NT5C1A: variants seen among roughly 807,000 people sequenced by gnomAD.
NT5C1A encodes cytosolic 5'-nucleotidase 1A.
In NT5C1A, 18 loss-of-function variants were observed where a neutral mutation model predicts 31.0. That is an observed-to-expected ratio of 0.58 (90% confidence interval 0.40 to 0.86). The LOEUF (loss-of-function observed/expected upper bound fraction) is 0.86, where lower values mean the gene tolerates loss of function less well. Among genes scored for constraint, NT5C1A ranks in the 40% least tolerant of loss-of-function variants. The pLI is 0.00. For synonymous variants in NT5C1A, 185 were observed against 203.6 expected (o/e 0.91, Z 0.78); for missense variants, 470 against 505.4 (o/e 0.93, Z 0.67).
chr1:39,664,442 G>A (rs1242732032), intron 3 of NT5C1A, among the ~76,000 whole-genome samples: 2 of 134,616 alleles, frequency 1.5e-5, no homozygotes, highest in Admixed American at 1.5e-4. Context: ...CACCGTGCCT[G>A]GCCAGGTGTA....
Position 39,656,597 on chromosome 1 carries a change from G to A in NT5C1A, c.*2524C>T, listed in dbSNP as rs917896564. ...TATTTTCCTGCTTCCTGAGAGACAT[G>A]GAATCATCAGTGGTGTTCATCACCA... On this transcript the variant is annotated 3_prime_UTR_variant, in exon 6 of 6. Coordinates refer to ENST00000235628, the MANE Select transcript of NT5C1A (RefSeq NM_032526.3). Among the ~76,000 whole-genome samples, 4 of 152,236 alleles carry A rather than the reference G, an allele frequency of 2.6e-5. No homozygotes were observed. The highest frequency in any genetic ancestry group is 9.6e-5 in the African/African-American group (4 of 41,462).
In NT5C1A at chr1:39,653,690, C is replaced by T. The variant is rs1301476234; in HGVS notation, c.*5431G>A. Among the ~76,000 whole-genome samples, 6 of 152,164 alleles carry T rather than the reference C, an allele frequency of 3.9e-5. No homozygotes were observed. Among genetic ancestry groups the T allele is most frequent in the Non-Finnish European group, 8.8e-5 (6 of 68,026 alleles). ...ATCACTTGACTACTGCCAGCAGCTGCGTGCCGGCCTGCAGTGCCACCTACT... is the reference window on the plus strand; with the variant it reads ...ATCACTTGACTACTGCCAGCAGCTGTGTGCCGGCCTGCAGTGCCACCTACT... On this transcript the variant is annotated 3_prime_UTR_variant, in exon 6 of 6. Coordinates refer to ENST00000235628, the MANE Select transcript of NT5C1A (RefSeq NM_032526.3).
rs959325784 is a variant in NT5C1A, at chr1:39,663,418, C to T, written c.450G>A (p.Arg150=). Residue 150 remains arginine (R), a synonymous_variant, in exon 4 of 6, where the codon AGG becomes AGA. Transcript: ENST00000235628. ...SINHYDLFIE[R]FCMTGGNSPI... is the part of the protein sequence containing the mutation. The stretch of plus-strand genomic sequence containing the variant: ...GGCTGTTCCCACCTGTCATGCAGAA[C>T]CTCTCGATGAACAGGTCTGGGAAGG... 1.2e-6 allele frequency: 2 copies of T among 1,613,978 alleles called. No homozygotes were observed. The highest frequency in any genetic ancestry group is 1.1e-5 in the South Asian group (1 of 91,082).
chr1:39,652,610 G>A lies in NT5C1A; in HGVS notation c.*6511C>T, dbSNP rs1469381987. On this transcript the variant is annotated 3_prime_UTR_variant, in exon 6 of 6. Coordinates refer to ENST00000235628, the MANE Select transcript of NT5C1A (RefSeq NM_032526.3). Reference sequence around the variant, plus strand: ...GCCTTGAGGCCTTTACCCTAATTCCGTGGCAGATGGCCATGAAGGCATATA... The same window carrying A: ...GCCTTGAGGCCTTTACCCTAATTCCATGGCAGATGGCCATGAAGGCATATA... 3.9e-5 allele frequency among the ~76,000 whole-genome samples: 6 copies of A among 152,088 alleles called. No individual in the cohort carries two copies. The South Asian group carries it at 1.0e-3, about 26-fold the overall frequency.
At chr1:39,664,007 T>C (rs1486966863) in intron 3 of NT5C1A, among the ~76,000 whole-genome samples, 1 of 152,172 alleles carries the variant, frequency 6.6e-6, no homozygotes, top group Non-Finnish European at 1.5e-5. Context: ...ACGCAGTGTG[T>C]ATGTCACACA....
At position 39,654,384 on chromosome 1, in the gene NT5C1A, CA is replaced by C. The variant is rs1262270069; in HGVS notation, c.*4736del. 1.3e-5 allele frequency among the ~76,000 whole-genome samples: 2 copies of C among 152,192 alleles called. No homozygotes were observed. The highest frequency in any genetic ancestry group is 2.9e-5 in the Non-Finnish European group (2 of 68,040). On this transcript the variant is annotated 3_prime_UTR_variant, in exon 6 of 6. Coordinates refer to ENST00000235628, the MANE Select transcript of NT5C1A (RefSeq NM_032526.3). ...CTTGTTGGCTCGGAGCTGCTGAAAT[CA>C]ACACTGGGCACTTCAATCTATCCAA...
intron 5 of NT5C1A, among the ~76,000 whole-genome samples, 156 bp downstream of exon 5, chr1:39,660,923 T>TG (rs1440009111): frequency 1.3e-5 from 2 of 151,652 alleles, no homozygotes; most frequent in African/African-American, 2.4e-5. Flanking sequence ...AGCTCATTGA[T>TG]GGGGGGTCAG....
intron 1 of NT5C1A, among the ~76,000 whole-genome samples, chr1:39,667,738 G>A (rs901523598): frequency 2.6e-5 from 4 of 152,188 alleles, no homozygotes; most frequent in African/African-American, 7.2e-5. Context: ...CAAGACAGAG[G>A]CCAATGCCAT....
chr1:39,662,950 C>A (rs1458796243), intron 4 of NT5C1A, among the ~76,000 whole-genome samples: 5 of 152,210 alleles, frequency 3.3e-5, no homozygotes, highest in Non-Finnish European at 5.9e-5. Flanking sequence ...TGGCCCAGGG[C>A]AGGGCAGAGG....
chr1:39,660,027 G>T (rs772267335), intron 5 of NT5C1A, among the ~76,000 whole-genome samples: 46 of 152,134 alleles, frequency 3.0e-4, no homozygotes, highest in Non-Finnish European at 5.1e-4. Flanking sequence ...AGCTTCCTGA[G>T]GATGTGAGAA....
chr1:39,666,375 A>ATGGCGT, intron 1 of NT5C1A, 139 bp from the exon 2 acceptor site: 1 of 785,276 alleles, frequency 1.3e-6, no homozygotes, highest in Admixed American at 2.7e-5. Flanking sequence ...AGCCTTGAGC[A>ATGGCGT]GATGTGGACT....
intron 1 of NT5C1A, among the ~76,000 whole-genome samples, chr1:39,670,077 GTTTA>G (rs1646542670): frequency 6.6e-6 from 1 of 152,110 alleles, no homozygotes; most frequent in South Asian, 2.1e-4. Flanking sequence ...TATAATTGGT[GTTTA>G]TTTATTTTAC....
In NT5C1A at chr1:39,655,933, A is replaced by G. The variant is rs1646456947; in HGVS notation, c.*3188T>C. 6.6e-6 allele frequency among the ~76,000 whole-genome samples: 1 copy of G among 152,164 alleles called. No homozygotes were observed. Among genetic ancestry groups the G allele is most frequent in the South Asian group, 2.1e-4 (1 of 4,824 alleles). ...CCAATTGAGTGTCATTATAATGCCA[A>G]ATCCATCTTGGCTTTGAACTTCTTG... is the stretch of plus-strand genomic sequence containing the variant. On this transcript the variant is annotated 3_prime_UTR_variant, in exon 6 of 6. Transcript: ENST00000235628.
chr1:39,660,324 T>A (rs1257712870), intron 5 of NT5C1A, among the ~76,000 whole-genome samples: 1 of 152,126 alleles, frequency 6.6e-6, no homozygotes, highest in African/African-American at 2.4e-5. Context: ...GCTCCCGGGT[T>A]TTTGTTAAAA....
At chr1:39,662,894 C>T (rs540597724) in intron 4 of NT5C1A, among the ~76,000 whole-genome samples, 1 of 152,312 alleles carries the variant, frequency 6.6e-6, no homozygotes, top group Non-Finnish European at 1.5e-5. Flanking sequence ...CCAGACCCCA[C>T]CACTCAGGCT....
At position 39,661,136 on chromosome 1, in the gene NT5C1A, G is replaced by C. The variant is rs140258838; in HGVS notation, c.684C>G (p.His228Gln). ...SDESERIVKA[H>Q]GLDRFFEHEK... ...CATGCTCGAAGAATCGGTCCAGCCC[G>C]TGGGCCTTGACGATGCGCTCCGACT... The change falls in exon 5 of 6, where the codon CAC becomes CAG. Residue 228 changes from histidine to glutamine, a missense_variant. Coordinates refer to ENST00000235628, the MANE Select transcript of NT5C1A (RefSeq NM_032526.3). The C allele has an allele frequency of 1.2e-5, 19 of 1,596,640 alleles. No homozygotes were observed. The highest frequency in any genetic ancestry group is 1.7e-4 in the Middle Eastern group (1 of 6,022).
In NT5C1A at chr1:39,652,083, G is replaced by A. The variant is rs949324764; in HGVS notation, c.*7038C>T. Among the ~76,000 whole-genome samples, 7 of 121,168 alleles carry A rather than the reference G, an allele frequency of 5.8e-5. No homozygotes were observed. The highest frequency in any genetic ancestry group is 5.6e-4 in the East Asian group (2 of 3,576). The allele number at this position is 121,168 out of a possible 152,430, so 79.5% of individuals were successfully genotyped here. A position where few individuals can be genotyped will look rare whatever the true frequency, so the allele number is the denominator to read the frequency against. On this transcript the variant is annotated 3_prime_UTR_variant, in exon 6 of 6. Coordinates refer to ENST00000235628, the MANE Select transcript of NT5C1A (RefSeq NM_032526.3). The stretch of plus-strand genomic sequence containing the variant: ...AAAAAAAAAAGAAGTTTGTACATAC[G>A]CAGTTTTGAACACACAAAGGCTGAG...
chr1:39,656,078 C>T lies in NT5C1A; in HGVS notation c.*3043G>A, dbSNP rs1028685737. Among the ~76,000 whole-genome samples the T allele has an allele frequency of 3.3e-5, 5 of 151,696 alleles. No individual in the cohort carries two copies. Among genetic ancestry groups the T allele is most frequent in the Non-Finnish European group, 7.4e-5 (5 of 67,930 alleles). ...GCAGTCTCAGTGCTTAGTAACAGGG[C>T]TTCCATTTTTCTGCTAAGCAGCAGT... On this transcript the variant is annotated 3_prime_UTR_variant, in exon 6 of 6. Transcript: ENST00000235628.
Position 39,666,064 on chromosome 1 carries a change from C to T in NT5C1A, c.303+5G>A. On this transcript the variant is annotated splice_donor_5th_base_variant and intron_variant, in intron 2 of 5. Coordinates refer to ENST00000235628, the MANE Select transcript of NT5C1A (RefSeq NM_032526.3). ...TATGAGCTAGTGGTGGAACTGCTCC[C>T]TCACCTTCACAAAAGGGAAGGCTGG... 6.2e-7 allele frequency: 1 copy of T among 1,611,328 alleles called. No individual in the cohort carries two copies. The highest frequency in any genetic ancestry group is 8.5e-7 in the Non-Finnish European group (1 of 1,178,786).
Sources: allele counts gnomAD v4.1 joint callset (sites outside exome capture counted in the v4.1 genomes callset), GRCh38; gene constraint gnomAD v4.1.1; transcripts MANE v1.5; gene names NCBI Gene and HGNC (gene_info 2026-07-23, HGNC 2026-07-21).